Variants in SLC8B1 observed in about 807,000 individuals in gnomAD.
The protein encoded by SLC8B1 is mitochondrial sodium/calcium exchanger protein.
SLC8B1 carries 52 observed loss-of-function variants against 63.4 expected under a neutral mutation model. The observed-to-expected ratio is 0.82, with a 90% CI of 0.66 to 1.03. The LOEUF (loss-of-function observed/expected upper bound fraction) is 1.03, where lower values mean the gene tolerates loss of function less well. Among genes scored for constraint, SLC8B1 ranks in the 50% least tolerant of loss-of-function variants. The pLI is 0.00. For synonymous variants in SLC8B1, 336 were observed against 323.9 expected, an observed-to-expected ratio of 1.04 and a Z score of -0.40; for missense variants, 657 against 741.7, an observed-to-expected ratio of 0.89 and a Z score of 1.33.
intron 15 of SLC8B1, among the ~76,000 whole-genome samples, chr12:113,300,906 CG>C (rs1470912882): frequency 6.6e-6 from 1 of 152,180 alleles, no homozygotes; most frequent in Non-Finnish European, 1.5e-5. Flanking sequence ...GAGGCCAAAG[CG>C]GGCAGATCAC....
chr12:113,330,822 C>A (rs757487794), intron 2 of SLC8B1, among the ~76,000 whole-genome samples: 1 of 152,148 alleles, frequency 6.6e-6, no homozygotes, highest in Non-Finnish European at 1.5e-5. Flanking sequence ...GGGATTCCTG[C>A]TGAAGAAATG....
At chr12:113,333,666 C>T (rs1020712333) in intron 1 of SLC8B1, among the ~76,000 whole-genome samples, 1 of 151,870 alleles carries the variant, frequency 6.6e-6, no homozygotes, top group Non-Finnish European at 1.5e-5. Flanking sequence ...GCCCCCCACC[C>T]CACCCTGCAC....
intron 15 of SLC8B1, among the ~76,000 whole-genome samples, chr12:113,303,141 A>ACACACGCGCG (rs773636454): frequency 8.2e-5 from 12 of 145,638 alleles, no homozygotes; most frequent in African/African-American, 2.1e-4. Flanking sequence ...ACACACACAC[A>ACACACGCGCG]CGCGCGCGCA....
chr12:113,303,046 G>C (rs1276795119), intron 15 of SLC8B1, among the ~76,000 whole-genome samples: 2 of 145,250 alleles, frequency 1.4e-5, no homozygotes, highest in Admixed American at 6.9e-5. Context: ...TCAGCACAAA[G>C]GTGGTAGACA....
chr12:113,299,665 G>T lies in SLC8B1; in HGVS notation c.*112C>A. On this transcript the variant is annotated 3_prime_UTR_variant, in exon 16 of 16. Coordinates refer to ENST00000680972, the MANE Select transcript of SLC8B1 (RefSeq NM_001358345.2). ...CCTCAGATCTCCAGCAGCAAGGGCC[G>T]CACTCTCGTGCCCACAAGGGCCTTG... The T allele has an allele frequency of 1.0e-6, 1 of 987,732 alleles. No homozygotes were observed. The highest frequency in any genetic ancestry group is 1.6e-6 in the Non-Finnish European group (1 of 638,098). 61.2% of individuals were successfully genotyped at this position (987,732 alleles called of 1,614,324 possible). A position where few individuals can be genotyped will look rare whatever the true frequency, so the allele number is the denominator to read the frequency against.
rs537659146 is a variant in SLC8B1, at chr12:113,329,670, C to T, written c.156+3053G>A. Among the ~76,000 whole-genome samples, 4 of 152,298 alleles carry T rather than the reference C, an allele frequency of 2.6e-5. No homozygotes were observed. The East Asian group carries it at 7.7e-4, about 29-fold the overall frequency. The stretch of plus-strand genomic sequence containing the variant: ...GGAGTGACTTCACTTCCTTCCAGTC[C>T]TTCCCACCCTCTTTCCTATGTCACT... On this transcript the variant is annotated intron_variant, in intron 2 of 15. Coordinates refer to ENST00000680972, the MANE Select transcript of SLC8B1 (RefSeq NM_001358345.2).
chr12:113,328,632 C>T (rs530749881), intron 2 of SLC8B1, among the ~76,000 whole-genome samples: 36 of 152,172 alleles, frequency 2.4e-4, no homozygotes, highest in Admixed American at 1.0e-3. Flanking sequence ...CCTGGTGCCA[C>T]GATTATTTTT....
rs371628155 is a variant in SLC8B1, at chr12:113,299,794, G to A, written c.1738C>T (p.His580Tyr). Residue 580 changes from histidine (H) to tyrosine (Y), a missense_variant, in exon 16 of 16, where the codon CAC (histidine) becomes TAC (tyrosine). Coordinates refer to ENST00000680972, the MANE Select transcript of SLC8B1 (RefSeq NM_001358345.2). ...GGCTTCAGTCACATGCTTTTCAGGT[G>A]AATCACTCCAAATTCAGTGAGGAGG... ...VALLTEFGVI[H>Y]LKSM 3 of 1,614,172 alleles carry A rather than the reference G, an allele frequency of 1.9e-6. No homozygotes were observed. Among genetic ancestry groups the A allele is most frequent in the Middle Eastern group, 1.6e-4 (1 of 6,062 alleles).
chr12:113,332,275 CT>C (rs911999873), intron 2 of SLC8B1, among the ~76,000 whole-genome samples: 1 of 152,008 alleles, frequency 6.6e-6, no homozygotes, highest in African/African-American at 2.4e-5. Context: ...GCTTACTTCT[CT>C]TTTTTTTGTT....
intron 8 of SLC8B1, among the ~76,000 whole-genome samples, chr12:113,318,139 T>C (rs1200797371): frequency 3.9e-5 from 6 of 152,208 alleles, no homozygotes; most frequent in African/African-American, 1.4e-4. Flanking sequence ...GTATGTTGTA[T>C]ATGTGTGCAT....
rs534161866 is a variant in SLC8B1 at position 113,312,149 on chromosome 12, C to A, written c.1136-1794G>T. 2.6e-5 allele frequency among the ~76,000 whole-genome samples: 4 copies of A among 152,002 alleles called. No individual in the cohort carries two copies. In the South Asian group the frequency reaches 8.3e-4, roughly 32 times the overall value. ...GCAGTTGGCTCAGAGTCTCAGAGGC[C>A]TTGGCTGGGTGCGGTGGCTCACACC... On this transcript the variant is annotated intron_variant, in intron 11 of 15. Coordinates refer to ENST00000680972, the MANE Select transcript of SLC8B1 (RefSeq NM_001358345.2).
chr12:113,312,010 G>A (rs1323211067), intron 11 of SLC8B1, among the ~76,000 whole-genome samples: 1 of 152,002 alleles, frequency 6.6e-6, no homozygotes, highest in African/African-American at 2.4e-5. Flanking sequence ...TGAAGACACT[G>A]AGGATCTGAG....
intron 15 of SLC8B1, among the ~76,000 whole-genome samples, chr12:113,301,487 C>G (rs112254816): frequency 0.049 from 7,438 of 152,048 alleles, 259 homozygotes; most frequent in Middle Eastern, 0.065. Context: ...CAGGTGTCTG[C>G]CACCACGCCT....
In SLC8B1 at chr12:113,333,083, C is replaced by A. The variant is rs1242428246; in HGVS notation, c.-82-123G>T. 8.0e-6 allele frequency: 5 copies of A among 621,568 alleles called. No homozygotes were observed. In the Admixed American group the frequency reaches 9.4e-5, roughly 12 times the overall value. 38.5% of individuals were successfully genotyped at this position (621,568 alleles called of 1,614,324 possible). On this transcript the variant is annotated intron_variant, in intron 1 of 15. Coordinates refer to ENST00000680972, the MANE Select transcript of SLC8B1 (RefSeq NM_001358345.2). The stretch of plus-strand genomic sequence containing the variant: ...CCTCCCGGCAGCAAAGTTAAGCTGA[C>A]GGAGAAACCATGTTCTGCACAGTCT...
intron 2 of SLC8B1, among the ~76,000 whole-genome samples, chr12:113,325,565 A>T (rs1283318533): frequency 1.1e-4 from 15 of 140,136 alleles, no homozygotes; most frequent in African/African-American, 3.2e-4. Flanking sequence ...CCTGGCCTTA[A>T]TTTTTTTTTT....
At chr12:113,329,847 C>T (rs997868619) in intron 2 of SLC8B1, among the ~76,000 whole-genome samples, 2 of 152,284 alleles carry the variant, frequency 1.3e-5, no homozygotes. Flanking sequence ...CACCTTCCTC[C>T]CACTGACAGC....
rs1956918274 is a variant in SLC8B1 at position 113,320,943 on chromosome 12, G to A, written c.363-36C>T. 2 of 1,595,290 alleles carry A rather than the reference G, an allele frequency of 1.3e-6. No individual in the cohort carries two copies. Among genetic ancestry groups the A allele is most frequent in the Non-Finnish European group, 1.7e-6 (2 of 1,172,140 alleles). Reference sequence around the variant, plus strand: ...AAAGCGGACGGGAAGCATTTCCGTAGTAACCGGCCCCGGACCCCTATCCTT... The same window carrying A: ...AAAGCGGACGGGAAGCATTTCCGTAATAACCGGCCCCGGACCCCTATCCTT... On this transcript the variant is annotated intron_variant, in intron 4 of 15. Coordinates refer to ENST00000680972, the MANE Select transcript of SLC8B1 (RefSeq NM_001358345.2). This position sits in a 1 kb window ranked among gnomAD's most constrained non-coding sequence, Gnocchi z 5.3.
At chr12:113,318,228 A>G (rs1476589914) in intron 8 of SLC8B1, among the ~76,000 whole-genome samples, 1 of 149,980 alleles carries the variant, frequency 6.7e-6, no homozygotes, top group Non-Finnish European at 1.5e-5. Context: ...TGTTGTATGT[A>G]CACATTTGTG....
intron 12 of SLC8B1, chr12:113,308,260 C>T (rs1322349502): frequency 1.8e-5 from 3 of 167,452 alleles, no homozygotes; most frequent in African/African-American, 4.8e-5. Context: ...GTGGGAGAAT[C>T]GCTTGAACCC....
Sources: gnomAD v4.1 joint callset for allele counts (sites outside exome capture counted in the v4.1 genomes callset) on GRCh38, gnomAD v4.1.1 for gene constraint, Gnocchi (gnomAD v3.1) non-coding constraint, MANE v1.5 for transcripts, NCBI Gene and HGNC (gene_info 2026-07-23, HGNC 2026-07-21) for gene names.